The following INPP4B variants were observed in gnomAD, a reference collection of about 807,000 sequenced individuals.
The protein encoded by INPP4B is inositol polyphosphate 4-phosphatase type II.
A neutral mutation model predicts 122.5 loss-of-function variants in INPP4B; 55 were observed. That is an observed-to-expected ratio of 0.45 (90% CI 0.36 to 0.56). The LOEUF (loss-of-function observed/expected upper bound fraction) is 0.56. Among genes scored for constraint, INPP4B ranks in the 20% least tolerant of loss-of-function variants. The pLI, the probability that INPP4B is intolerant of heterozygous loss-of-function variation, is 0.00. For synonymous variants in INPP4B, 403 were observed against 388.7 expected, an observed-to-expected ratio of 1.04 and a Z score of -0.43; for missense variants, 1,000 against 1,097.7, an observed-to-expected ratio of 0.91 and a Z score of 1.26.
intron 1 of INPP4B, among the ~76,000 whole-genome samples, chr4:142,829,811 T>G (rs1281085615): frequency 6.6e-6 from 1 of 152,182 alleles, no homozygotes; most frequent in Non-Finnish European, 1.5e-5. Context: ...CAACAAATGT[T>G]CTACTTAGAA....
At chr4:142,590,881 C>CAAAA (rs59459819) in intron 2 of INPP4B, among the ~76,000 whole-genome samples, 2 of 93,638 alleles carry the variant, frequency 2.1e-5, no homozygotes, top group East Asian at 3.0e-4. Flanking sequence ...TATCATTCTC[C>CAAAA]AAAAAAAAAA....
intron 2 of INPP4B, among the ~76,000 whole-genome samples, chr4:142,544,130 G>GTGTGT (rs55638202): frequency 0.029 from 3,862 of 133,168 alleles, 285 homozygotes; most frequent in African/African-American, 0.088. Flanking sequence ...GTGTGTGTGT[G>GTGTGT]GTGTGTGTGT....
chr4:142,136,034 T>A (rs987207927), intron 18 of INPP4B, among the ~76,000 whole-genome samples: 2 of 152,224 alleles, frequency 1.3e-5, no homozygotes, highest in African/African-American at 4.8e-5. Context: ...CCTGACCTTG[T>A]GATCCACCTA....
intron 21 of INPP4B, among the ~76,000 whole-genome samples, chr4:142,116,572 T>C (rs1793587988): frequency 6.6e-6 from 1 of 152,110 alleles, no homozygotes; most frequent in Non-Finnish European, 1.5e-5. Context: ...ACTGGGTACA[T>C]AACGAAATGA....
At chr4:142,564,455 G>GAAAAAAAAAAAAAAAAAAAAAAA (rs1731176894) in intron 2 of INPP4B, among the ~76,000 whole-genome samples, 3 of 116,596 alleles carry the variant, frequency 2.6e-5, no homozygotes, top group East Asian at 3.1e-4. Context: ...AAAAAAAAAA[G>GAAAAAAAAAAAAAAAAAAAAAAA]AAAGAAAGAA....
At chr4:142,570,469 G>A (rs1732560019) in intron 2 of INPP4B, among the ~76,000 whole-genome samples, 2 of 151,874 alleles carry the variant, frequency 1.3e-5, no homozygotes, top group Admixed American at 6.6e-5. Flanking sequence ...AATACAAATG[G>A]AAAGTTTGGT....
chr4:142,617,058 A>G (rs928851478), intron 2 of INPP4B, among the ~76,000 whole-genome samples: 1 of 152,142 alleles, frequency 6.6e-6, no homozygotes, highest in African/African-American at 2.4e-5. Context: ...TATCCTTGTA[A>G]GAAAACTATA....
chr4:142,713,001 G>C (rs984762116), intron 2 of INPP4B, among the ~76,000 whole-genome samples: 2 of 152,304 alleles, frequency 1.3e-5, no homozygotes, highest in African/African-American at 4.8e-5. Flanking sequence ...CTAAGGAAAG[G>C]AAAGAAATGG....
At chr4:142,532,378 T>C (rs943910627) in intron 2 of INPP4B, among the ~76,000 whole-genome samples, 1 of 152,146 alleles carries the variant, frequency 6.6e-6, no homozygotes, top group Non-Finnish European at 1.5e-5. Context: ...TCTCATCCCC[T>C]CATCTTTATC....
chr4:142,367,149 G>A (rs1430660634), intron 7 of INPP4B, among the ~76,000 whole-genome samples: 1 of 151,576 alleles, frequency 6.6e-6, no homozygotes, highest in Admixed American at 6.6e-5. Context: ...ACCTCAGCAG[G>A]GGTGGGGGCT....
intron 2 of INPP4B, among the ~76,000 whole-genome samples, chr4:142,673,655 G>C (rs1757307345): frequency 1.3e-5 from 2 of 152,228 alleles, no homozygotes; most frequent in African/African-American, 4.8e-5. Flanking sequence ...GTAAGGCCTT[G>C]AACAGTAGAG....
At chr4:142,753,243 T>C (rs331964) in intron 1 of INPP4B, among the ~76,000 whole-genome samples, 35,340 of 152,052 alleles carry the variant, frequency 0.23, 4,377 homozygotes, top group South Asian at 0.35. Context: ...TTATTTCAAA[T>C]GCTTACTTTT....
chr4:142,163,546 TGA>T (rs895906884), intron 16 of INPP4B, among the ~76,000 whole-genome samples: 1 of 151,934 alleles, frequency 6.6e-6, no homozygotes, highest in African/African-American at 2.4e-5. Context: ...GAAGATATTT[TGA>T]GAGAGACCAC....
intron 7 of INPP4B, among the ~76,000 whole-genome samples, chr4:142,399,635 C>T (rs1450972846): frequency 6.6e-6 from 1 of 152,064 alleles, no homozygotes; most frequent in East Asian, 1.9e-4. Context: ...AAAATAAAGC[C>T]TAAAATTAGT....
intron 20 of INPP4B, 104 bp downstream of exon 20, chr4:142,123,188 C>T: frequency 3.2e-6 from 3 of 928,510 alleles, no homozygotes; most frequent in East Asian, 2.8e-5. Context: ...TAATACTTGG[C>T]ACAATAAAGG....
chr4:142,386,089 G>T (rs1279661674), intron 7 of INPP4B, among the ~76,000 whole-genome samples: 1 of 151,988 alleles, frequency 6.6e-6, no homozygotes, highest in Non-Finnish European at 1.5e-5. Context: ...CTATTTCTAT[G>T]AGTTCAACTT....
At chr4:142,036,647 C>T (rs1270913180) in intron 25 of INPP4B, among the ~76,000 whole-genome samples, 1 of 152,156 alleles carries the variant, frequency 6.6e-6, no homozygotes, top group African/African-American at 2.4e-5. Flanking sequence ...AGTGAAAAAT[C>T]ACTAAATTAA....
intron 7 of INPP4B, among the ~76,000 whole-genome samples, chr4:142,372,085 A>G (rs1449998838): frequency 6.6e-6 from 1 of 152,110 alleles, no homozygotes; most frequent in Non-Finnish European, 1.5e-5. Context: ...TATACACAAT[A>G]AAATACTATT....
chr4:142,492,681 G>T (rs987309440), intron 2 of INPP4B, among the ~76,000 whole-genome samples: 4 of 152,110 alleles, frequency 2.6e-5, no homozygotes, highest in Admixed American at 2.6e-4. Flanking sequence ...ATAATTTAGG[G>T]TATCTAAGGA....
Sources: allele counts gnomAD v4.1 joint callset (sites outside exome capture counted in the v4.1 genomes callset), GRCh38; gene constraint gnomAD v4.1.1; transcripts MANE v1.5; gene names NCBI Gene and HGNC (gene_info 2026-07-23, HGNC 2026-07-21).